ACAD11: variants seen among roughly 807,000 people sequenced by gnomAD.
The protein encoded by ACAD11 is acyl-CoA dehydrogenase family member 11.
In ACAD11, 83 loss-of-function variants were observed where a neutral mutation model predicts 102.2. That is an observed-to-expected ratio of 0.81 (90% CI 0.68 to 0.97). ACAD11 has a LOEUF of 0.97. Ranked by LOEUF, ACAD11 falls within the 50% of genes least tolerant of loss-of-function variation. The pLI is 0.00. For missense variants in ACAD11, 901 were observed against 951.7 expected, an observed-to-expected ratio of 0.95 and a Z score of 0.70; for synonymous variants, 324 against 319.8, an observed-to-expected ratio of 1.01 and a Z score of -0.14.
chr3:132,631,775 T>C (rs993031043), intron 5 of ACAD11, among the ~76,000 whole-genome samples: 1 of 152,186 alleles, frequency 6.6e-6, no homozygotes, highest in African/African-American at 2.4e-5. Flanking sequence ...CTGGAAGTAA[T>C]TGTGATAAAA....
intron 1 of ACAD11, among the ~76,000 whole-genome samples, chr3:132,655,882 A>G (rs148623089): frequency 3.3e-5 from 5 of 152,358 alleles, no homozygotes; most frequent in Admixed American, 3.3e-4. Flanking sequence ...TAAATATTTT[A>G]TCTTTCCAAT....
chr3:132,585,545 G>A (rs558671393), intron 13 of ACAD11, among the ~76,000 whole-genome samples: 94 of 152,258 alleles, frequency 6.2e-4, no homozygotes, highest in Admixed American at 5.7e-3. Context: ...CCATCAGAGT[G>A]AACAGGCAAC....
rs191069036 is a variant in ACAD11, at chr3:132,630,008, A to G, written c.963+429T>C. Among the ~76,000 whole-genome samples the G allele has an allele frequency of 4.4e-4, 67 of 152,250 alleles. No homozygotes were observed. The South Asian group carries it at 0.012, about 27-fold the overall frequency. ...CAAAAACATTTTAAGAGGTTACTGT[A>G]TACTAGATACTGTGCTAGCCTCTGG... On this transcript the variant is annotated intron_variant, in intron 7 of 19. Coordinates refer to ENST00000264990, the MANE Select transcript of ACAD11 (RefSeq NM_032169.5).
At chr3:132,626,029 T>A (rs544160133) in intron 9 of ACAD11, among the ~76,000 whole-genome samples, 1 of 152,270 alleles carries the variant, frequency 6.6e-6, no homozygotes, top group South Asian at 2.1e-4. Context: ...TGTAAAAGCT[T>A]TTATCTTTTC....
intron 5 of ACAD11, among the ~76,000 whole-genome samples, chr3:132,638,310 T>C (rs1262591888): frequency 6.6e-6 from 1 of 152,180 alleles, no homozygotes; most frequent in East Asian, 1.9e-4. Context: ...ATTTGGATGA[T>C]GGATACACAG....
chr3:132,639,734 A>T, intron 4 of ACAD11, 78 bp from the exon 5 acceptor site: 1 of 1,379,252 alleles, frequency 7.3e-7, no homozygotes. Context: ...TTAAAACAAA[A>T]TTCAAATGCT....
intron 11 of ACAD11, 58 bp downstream of exon 11, chr3:132,618,576 A>C: frequency 2.9e-6 from 4 of 1,398,404 alleles, no homozygotes; most frequent in Non-Finnish European, 1.9e-6. Context: ...CATATATAGA[A>C]ATTTTAAACA....
intron 13 of ACAD11, 74 bp downstream of exon 13, chr3:132,603,155 A>G: frequency 1.6e-6 from 2 of 1,224,170 alleles, no homozygotes; most frequent in South Asian, 2.5e-5. Context: ...ACTATGTATC[A>G]TAGCAATATT....
At chr3:132,570,466 A>G (rs1937342602) in intron 17 of ACAD11, among the ~76,000 whole-genome samples, 1 of 152,028 alleles carries the variant, frequency 6.6e-6, no homozygotes, top group Admixed American at 6.6e-5. Flanking sequence ...GATTATATTT[A>G]CATTTTATTT....
rs1344994738 is a variant in ACAD11, at chr3:132,559,168, A to G, written c.2229-83T>C. 16 of 943,236 alleles carry G rather than the reference A, an allele frequency of 1.7e-5. No homozygotes were observed. In the Middle Eastern group the frequency reaches 2.1e-3, roughly 124 times the overall value. The allele number at this position is 943,236 out of a possible 1,614,324, so 58.4% of individuals were successfully genotyped here. A position where few individuals can be genotyped will look rare whatever the true frequency, so the allele number is the denominator to read the frequency against. On this transcript the variant is annotated intron_variant, in intron 19 of 19. Transcript: ENST00000264990. ...TTGACATCAGTCACTCTGATTGTCA[A>G]CCAAGACTATATTAATTCTTAAATT...
At chr3:132,640,761 A>C (rs1488322716) in intron 4 of ACAD11, among the ~76,000 whole-genome samples, 1 of 152,154 alleles carries the variant, frequency 6.6e-6, no homozygotes, top group Non-Finnish European at 1.5e-5. Flanking sequence ...AAGATCAAAA[A>C]AGAGAGGCCG....
chr3:132,613,120 G>T (rs370134944), intron 11 of ACAD11, among the ~76,000 whole-genome samples: 3 of 151,406 alleles, frequency 2.0e-5, no homozygotes, highest in East Asian at 1.9e-4. Flanking sequence ...GCAAACTATC[G>T]CAAGGACAAA....
At chr3:132,621,234 C>G (rs1288189016) in intron 9 of ACAD11, 1 of 152,068 alleles carries the variant, frequency 6.6e-6, no homozygotes, top group Non-Finnish European at 1.5e-5. Context: ...GAAAGAAAAG[C>G]TCTTAGAAAG....
intron 11 of ACAD11, among the ~76,000 whole-genome samples, chr3:132,606,118 T>A (rs1292414655): frequency 6.6e-6 from 1 of 152,212 alleles, no homozygotes; most frequent in Non-Finnish European, 1.5e-5. Context: ...CCTTGAGTGT[T>A]GATTATTCAG....
At chr3:132,573,333 T>G (rs1937437612) in intron 17 of ACAD11, among the ~76,000 whole-genome samples, 1 of 152,184 alleles carries the variant, frequency 6.6e-6, no homozygotes, top group Admixed American at 6.5e-5. Flanking sequence ...AGATGTACTA[T>G]AAGTATAAAA....
Position 132,559,845 on chromosome 3 carries a change from G to A in ACAD11, c.2216C>T (p.Pro739Leu). 1 of 1,612,934 alleles carries A rather than the reference G, an allele frequency of 6.2e-7. No homozygotes were observed. Among genetic ancestry groups the A allele is most frequent in the Non-Finnish European group, 8.5e-7 (1 of 1,179,318 alleles). Reference sequence around the variant, plus strand: ...GACATCTACTCACATGTTAGCCAGAGGGTAATCCTGGGAAACACCAGCACC... The same window carrying A: ...GACATCTACTCACATGTTAGCCAGAAGGTAATCCTGGGAAACACCAGCACC... ...CGGAGVSQDY[P>L]LANMYAITRV... The change falls in exon 19 of 20, where the codon CCT (proline) becomes CTT (leucine). Residue 739 changes from proline to leucine, a missense_variant. Physicochemically the swap from Pro to Leu is moderately conservative, Grantham distance 98. Transcript: ENST00000264990.
intron 13 of ACAD11, 133 bp downstream of exon 13, chr3:132,603,096 C>T: frequency 1.3e-6 from 1 of 774,804 alleles, no homozygotes; most frequent in Non-Finnish European, 2.1e-6. Flanking sequence ...AGCCACCGCA[C>T]CTGGCCTACA....
intron 5 of ACAD11, among the ~76,000 whole-genome samples, chr3:132,637,704 C>A (rs559339134): frequency 4.0e-4 from 61 of 152,236 alleles, no homozygotes; most frequent in Admixed American, 1.1e-3. Context: ...TGCAGTGAGC[C>A]TATTGTGCTA....
intron 2 of ACAD11, among the ~76,000 whole-genome samples, chr3:132,644,078 A>C (rs1341431780): frequency 6.6e-6 from 1 of 152,184 alleles, no homozygotes; most frequent in Non-Finnish European, 1.5e-5. Flanking sequence ...GGGACCAAGA[A>C]AGTCCCATAG....
Sources: gnomAD v4.1 joint callset for allele counts (sites outside exome capture counted in the v4.1 genomes callset) on GRCh38, gnomAD v4.1.1 for gene constraint, MANE v1.5 for transcripts, NCBI Gene and HGNC (gene_info 2026-07-23, HGNC 2026-07-21) for gene names.